PALLD: variants seen among roughly 807,000 people sequenced by gnomAD.
PALLD encodes the protein palladin, cytoskeletal associated protein, also known as palladin.
Under a neutral mutation model 123.5 loss-of-function variants are expected in PALLD, and 61 were observed. The observed-to-expected ratio is 0.49, with a 90% CI of 0.40 to 0.61. The LOEUF (loss-of-function observed/expected upper bound fraction) is 0.61, where lower values mean the gene tolerates loss of function less well. Among genes scored for constraint, PALLD ranks in the 20% least tolerant of loss-of-function variants. PALLD has a pLI of 0.00. For missense variants in PALLD, 1,273 were observed against 1,377.0 expected (o/e 0.92, Z 1.20); for synonymous variants, 465 against 496.4 (o/e 0.94, Z 0.84).
intron 10 of PALLD, among the ~76,000 whole-genome samples, chr4:168,889,867 A>G (rs915724355): frequency 2.6e-5 from 4 of 152,220 alleles, no homozygotes; most frequent in African/African-American, 9.6e-5. Context: ...CTGCTGGTCC[A>G]GGGACCACAC....
intron 2 of PALLD, among the ~76,000 whole-genome samples, chr4:168,634,855 T>G (rs1268231152): frequency 6.6e-6 from 1 of 152,212 alleles, no homozygotes; most frequent in African/African-American, 2.4e-5. Context: ...TGGCTCACAG[T>G]GTTTTTTCCC....
chr4:168,639,494 T>A (rs968470180), intron 2 of PALLD, among the ~76,000 whole-genome samples: 2 of 152,204 alleles, frequency 1.3e-5, no homozygotes, highest in Non-Finnish European at 2.9e-5. Context: ...TTTCTTTTAC[T>A]TAAACCTGTT....
intron 10 of PALLD, among the ~76,000 whole-genome samples, chr4:168,720,367 G>T (rs1011035589): frequency 6.6e-6 from 1 of 152,244 alleles, no homozygotes; most frequent in East Asian, 1.9e-4. Context: ...TTTGTTTCTG[G>T]TTAAGTGATT....
chr4:168,512,412 G>A lies in PALLD; in HGVS notation c.908G>A (p.Arg303Lys). ...RVTGNPTPRV[R>K]WFCEGKELHN... ...ACTGGAAACCCCACTCCTCGAGTCA[G>A]GTATGAATTTTTGTATTATGCATAG... Residue 303 changes from arginine (R) to lysine (K), a missense_variant and splice_region_variant, in exon 2 of 22, where the codon AGA becomes AAA. By Grantham distance (26) the Arg-to-Lys change is conservative. This residue lies in a region of PALLD where 944 missense variants were observed against 954.5 expected (regional missense o/e 0.99). Transcript: ENST00000505667. 1.2e-6 allele frequency: 2 copies of A among 1,612,538 alleles called. No individual in the cohort carries two copies. Among genetic ancestry groups the A allele is most frequent in the East Asian group, 2.2e-5 (1 of 44,854 alleles).
rs764826853 is a variant in PALLD, at chr4:168,711,894, G to A, written c.1935G>A (p.Glu645=). ...CTGTCCTGCTTTCACCCACTAAGGA[G>A]CCACCACCTCTGCTTGCCAAACCAA... ...TPAVLLSPTK[E]PPPLLAKPKL... is the part of the protein sequence containing the mutation. Residue 645 remains glutamate, a synonymous_variant, in exon 10 of 22, where the codon GAG becomes GAA. Coordinates refer to ENST00000505667, the MANE Select transcript of PALLD (RefSeq NM_001166108.2). 1.9e-6 allele frequency: 3 copies of A among 1,614,048 alleles called. No homozygotes were observed. Among genetic ancestry groups the A allele is most frequent in the South Asian group, 1.1e-5 (1 of 91,064 alleles).
At chr4:168,605,802 AAGT>A (rs1405142189) in intron 2 of PALLD, among the ~76,000 whole-genome samples, 1 of 152,256 alleles carries the variant, frequency 6.6e-6, no homozygotes, top group East Asian at 1.9e-4. Flanking sequence ...AAAAATTTGT[AAGT>A]AGTGTAAAAG....
intron 2 of PALLD, among the ~76,000 whole-genome samples, chr4:168,584,220 T>TTG (rs1461898570): frequency 4.6e-5 from 7 of 152,102 alleles, no homozygotes; most frequent in Non-Finnish European, 1.0e-4. Context: ...ATCAGGTTTT[T>TTG]TTTTTTTTTA....
rs555947506 is a variant in PALLD at position 168,749,650 on chromosome 4, G to A, written c.1964+37727G>A. On this transcript the variant is annotated intron_variant, in intron 10 of 21. Transcript: ENST00000505667. Reference sequence around the variant, plus strand: ...ACCCGAGAGGCAGAGGTTGCAGTGAGCCGAGATCATGCCATTTCACTCCAG... The same window carrying A: ...ACCCGAGAGGCAGAGGTTGCAGTGAACCGAGATCATGCCATTTCACTCCAG... Among the ~76,000 whole-genome samples, 3 of 152,262 alleles carry A rather than the reference G, an allele frequency of 2.0e-5. No individual in the cohort carries two copies. The South Asian group carries it at 6.2e-4, about 32-fold the overall frequency.
At chr4:168,684,812 G>T (rs906723589) in intron 5 of PALLD, among the ~76,000 whole-genome samples, 1 of 152,240 alleles carries the variant, frequency 6.6e-6, no homozygotes. Context: ...CACGATACCA[G>T]ATCACCATCA....
intron 2 of PALLD, among the ~76,000 whole-genome samples, chr4:168,525,188 A>T (rs1763926777): frequency 6.6e-6 from 1 of 152,150 alleles, no homozygotes; most frequent in Admixed American, 6.5e-5. Context: ...GGCCCCAACC[A>T]CACTTTAGTT....
intron 10 of PALLD, among the ~76,000 whole-genome samples, chr4:168,809,342 T>G (rs1561547545): frequency 6.7e-6 from 1 of 149,206 alleles, no homozygotes; most frequent in Admixed American, 6.7e-5. Context: ...TTCTTCTTCT[T>G]TTTTTTTTTG....
chr4:168,873,438 C>T (rs1303690667), intron 10 of PALLD, among the ~76,000 whole-genome samples: 1 of 152,186 alleles, frequency 6.6e-6, no homozygotes, highest in Non-Finnish European at 1.5e-5. Context: ...TTTGTGATCT[C>T]AAGAGTTTTT....
intron 18 of PALLD, 101 bp from the exon 19 acceptor site, chr4:168,924,154 C>A: frequency 9.8e-7 from 1 of 1,023,254 alleles, no homozygotes; most frequent in Non-Finnish European, 1.5e-6. Context: ...AAAATGGTAT[C>A]ATAAAAGATC....
intron 2 of PALLD, among the ~76,000 whole-genome samples, chr4:168,605,199 C>A (rs2319856): frequency 5.9e-5 from 9 of 151,426 alleles, no homozygotes; most frequent in African/African-American, 2.2e-4. Context: ...ATGTTTTCAG[C>A]CCCTGGAGCA....
chr4:168,884,778 C>T (rs1753107757), intron 10 of PALLD, among the ~76,000 whole-genome samples: 1 of 152,216 alleles, frequency 6.6e-6, no homozygotes, highest in African/African-American at 2.4e-5. Context: ...TCCTTCCCCT[C>T]TTCCATTCTG....
chr4:168,642,462 C>T (rs551192379), intron 2 of PALLD, among the ~76,000 whole-genome samples: 13 of 152,164 alleles, frequency 8.5e-5, no homozygotes, highest in Admixed American at 4.6e-4. Context: ...AGTGAAGTGG[C>T]GCGATCTTAG....
chr4:168,645,087 GAC>G (rs1180260455), intron 2 of PALLD, among the ~76,000 whole-genome samples: 1 of 137,704 alleles, frequency 7.3e-6, no homozygotes, highest in East Asian at 2.0e-4. Context: ...GACAGTGTGC[GAC>G]ACAGTCTCAA....
intron 8 of PALLD, among the ~76,000 whole-genome samples, chr4:168,708,777 A>G (rs1036730516): frequency 6.6e-6 from 1 of 152,080 alleles, no homozygotes; most frequent in African/African-American, 2.4e-5. Flanking sequence ...TATTATCCCC[A>G]TTTTATAGAT....
intron 2 of PALLD, among the ~76,000 whole-genome samples, chr4:168,604,703 T>G (rs1268316519): frequency 6.6e-6 from 1 of 152,222 alleles, no homozygotes; most frequent in Non-Finnish European, 1.5e-5. Context: ...TGTCAGTGAC[T>G]GGAAAGGATC....
Sources: gnomAD v4.1 joint callset for allele counts (sites outside exome capture counted in the v4.1 genomes callset) on GRCh38, gnomAD v4.1.1 for gene constraint, gnomAD v4.1.1 regional missense constraint, MANE v1.5 for transcripts, NCBI Gene and HGNC (gene_info 2026-07-23, HGNC 2026-07-21) for gene names.